RNF145: variants seen among roughly 807,000 people sequenced by gnomAD.
The protein encoded by RNF145 is ring finger protein 145.
A neutral mutation model predicts 57.3 loss-of-function variants in RNF145; 12 were observed. The ratio of observed to expected loss-of-function variants is 0.21; its 90% CI spans 0.13 to 0.34. The LOEUF is 0.34. Among genes scored for constraint, RNF145 ranks in the 10% least tolerant of loss-of-function variants. RNF145 has a pLI of 1.00. For missense variants in RNF145, 429 were observed against 799.0 expected (o/e 0.54, Z 5.58); for synonymous variants, 262 against 288.3 (o/e 0.91, Z 0.92).
intron 1 of RNF145, among the ~76,000 whole-genome samples, chr5:159,205,750 C>T (rs984220079): frequency 3.3e-5 from 5 of 152,148 alleles, no homozygotes; most frequent in Non-Finnish European, 7.4e-5. Flanking sequence ...AATCATTACT[C>T]TGTTTTTATA....
chr5:159,159,173 T>C (rs1784134916), intron 10 of RNF145, 138 bp from the exon 11 acceptor site: 11 of 725,048 alleles, frequency 1.5e-5, no homozygotes, highest in African/African-American at 1.8e-5. Flanking sequence ...AAACTTACTT[T>C]ATATATCAGT....
intron 8 of RNF145, among the ~76,000 whole-genome samples, chr5:159,163,969 T>A (rs1423900599): frequency 6.6e-6 from 1 of 152,296 alleles, no homozygotes; most frequent in Admixed American, 6.5e-5. Context: ...TACAAAAAAA[T>A]TTAAGCTGTT....
intron 10 of RNF145, among the ~76,000 whole-genome samples, chr5:159,160,014 C>G (rs1307291100): frequency 6.6e-6 from 1 of 152,120 alleles, no homozygotes; most frequent in Non-Finnish European, 1.5e-5. Flanking sequence ...GATGTGATAT[C>G]AACAGGTAGT....
Position 159,182,029 on chromosome 5 carries a change from C to A in RNF145, c.316G>T (p.Glu106Ter). The A allele has an allele frequency of 6.2e-7, 1 of 1,606,570 alleles. No homozygotes were observed. The highest frequency in any genetic ancestry group is 8.5e-7 in the Non-Finnish European group (1 of 1,173,572). The change falls in exon 4 of 11, where the codon GAG becomes TAG. Residue 106 changes from glutamate (E) to a stop codon, truncating the protein, a stop_gained. Coordinates refer to ENST00000424310, the MANE Select transcript of RNF145 (RefSeq NM_001199383.2). LOFTEE classifies it high-confidence loss of function. The stretch of plus-strand genomic sequence containing the variant: ...TACATTGGTCCCTCATAGGCAAACT[C>A]CAGTTCACTCCGAACATAGTCCCTA... Reference protein sequence around the residue: ...ISRDYVRSELEFAYEGPMYLE... With the variant: ...ISRDYVRSEL
At chr5:159,159,080 A>C in intron 10 of RNF145, 45 bp from the exon 11 acceptor site, 2 of 1,549,690 alleles carry the variant, frequency 1.3e-6, no homozygotes. Context: ...TCTGTTTTCT[A>C]GTATCTTTGG....
chr5:159,184,765 CT>C (rs1785005563), intron 3 of RNF145, among the ~76,000 whole-genome samples: 1 of 152,014 alleles, frequency 6.6e-6, no homozygotes, highest in South Asian at 2.1e-4. Context: ...ATTTCCTTTT[CT>C]TTTATCCAAC....
intron 1 of RNF145, among the ~76,000 whole-genome samples, chr5:159,207,036 G>T (rs1218154503): frequency 1.3e-5 from 2 of 151,718 alleles, no homozygotes; most frequent in African/African-American, 4.8e-5. Context: ...AGACCTCAAT[G>T]AGTTCATTAA....
intron 3 of RNF145, among the ~76,000 whole-genome samples, chr5:159,191,366 T>A (rs770715453): frequency 6.6e-6 from 1 of 152,232 alleles, no homozygotes; most frequent in Non-Finnish European, 1.5e-5. Context: ...AAGTCTGGGA[T>A]TGCCCTTCCT....
rs1270242477 is a variant in RNF145 at position 159,157,710 on chromosome 5, G to A, written c.*960C>T. 6.5e-6 allele frequency: 1 copy of A among 152,722 alleles called. No individual in the cohort carries two copies. The highest frequency in any genetic ancestry group is 1.5e-5 in the Non-Finnish European group (1 of 68,030). 9.5% of individuals were successfully genotyped at this position (152,722 alleles called of 1,614,324 possible). A position where few individuals can be genotyped will look rare whatever the true frequency, so the allele number is the denominator to read the frequency against. The stretch of plus-strand genomic sequence containing the variant: ...AAAGTCTATTAACAGCTTTAAAAGT[G>A]GCATTTGCAGAGTGTGATCATACAG... On this transcript the variant is annotated 3_prime_UTR_variant, in exon 11 of 11. Coordinates refer to ENST00000424310, the MANE Select transcript of RNF145 (RefSeq NM_001199383.2).
chr5:159,162,964 T>A lies in RNF145; in HGVS notation c.1237A>T (p.Ile413Phe). The part of the protein sequence containing the change: ...FFHMDFWLLI[I>F]ISSSILTSLQ... Reference sequence around the variant, plus strand: ...GAGGTAAGAATGCTGCTGGAAATAATGATAAGAAGCCAAAAATCCATGTGG... The same window carrying A: ...GAGGTAAGAATGCTGCTGGAAATAAAGATAAGAAGCCAAAAATCCATGTGG... Residue 413 changes from isoleucine to phenylalanine, a missense_variant, in exon 9 of 11, where the codon ATT becomes TTT. Ile to Phe is a conservative substitution (Grantham distance 21, BLOSUM62 0). This residue lies in a region of RNF145 where 216 missense variants were observed against 457.6 expected (regional missense o/e 0.47). Coordinates refer to ENST00000424310, the MANE Select transcript of RNF145 (RefSeq NM_001199383.2). The A allele has an allele frequency of 6.2e-7, 1 of 1,612,618 alleles. No individual in the cohort carries two copies. Among genetic ancestry groups the A allele is most frequent in the Non-Finnish European group, 8.5e-7 (1 of 1,179,600 alleles).
intron 2 of RNF145, among the ~76,000 whole-genome samples, chr5:159,200,859 G>C (rs1284265014): frequency 6.6e-6 from 1 of 152,186 alleles, no homozygotes; most frequent in Non-Finnish European, 1.5e-5. Flanking sequence ...TTAAGTATGT[G>C]TATGTTCAAT....
chr5:159,200,494 A>T (rs1322639103), intron 2 of RNF145, among the ~76,000 whole-genome samples: 1 of 152,220 alleles, frequency 6.6e-6, no homozygotes, highest in East Asian at 1.9e-4. Flanking sequence ...TAGAAAAAAT[A>T]AAATTATACC....
At chr5:159,161,770 A>G in intron 9 of RNF145, 148 bp from the exon 10 acceptor site, 1 of 544,628 alleles carries the variant, frequency 1.8e-6, no homozygotes, top group South Asian at 3.0e-5. Context: ...AAAAAGTTTT[A>G]ATAAATAAAA....
intron 3 of RNF145, among the ~76,000 whole-genome samples, chr5:159,186,262 G>A (rs929613680): frequency 6.6e-6 from 1 of 152,030 alleles, no homozygotes; most frequent in South Asian, 2.1e-4. Flanking sequence ...AAGGGCCTCA[G>A]AGCTTGCAAT....
At chr5:159,162,526 C>T (rs1160092894) in intron 9 of RNF145, among the ~76,000 whole-genome samples, 2 of 151,028 alleles carry the variant, frequency 1.3e-5, no homozygotes, top group African/African-American at 4.9e-5. Flanking sequence ...GCTCCGCTTC[C>T]CGGGTTTACG....
intron 9 of RNF145, among the ~76,000 whole-genome samples, chr5:159,162,425 CTT>C (rs201178143): frequency 3.7e-5 from 5 of 134,572 alleles, no homozygotes; most frequent in Non-Finnish European, 3.2e-5. Context: ...GTAATATTTT[CTT>C]TTTTTTTTTT....
Position 159,174,508 on chromosome 5 carries a change from A to C in RNF145, c.622-350T>G, listed in dbSNP as rs574062624. Among the ~76,000 whole-genome samples, 8 of 152,274 alleles carry C rather than the reference A, an allele frequency of 5.3e-5. No homozygotes were observed. In the South Asian group the frequency reaches 1.7e-3, roughly 32 times the overall value. Reference sequence around the variant, plus strand: ...CTCATGTCTAATCAAAATAATCAGGACTAGCATGAATTGATACAACACTGC... The same window carrying C: ...CTCATGTCTAATCAAAATAATCAGGCCTAGCATGAATTGATACAACACTGC... On this transcript the variant is annotated intron_variant, in intron 5 of 10. Transcript: ENST00000424310.
At chr5:159,182,080 A>C in intron 3 of RNF145, 29 bp from the exon 4 acceptor site, 40 of 1,263,356 alleles carry the variant, frequency 3.2e-5, no homozygotes, top group Non-Finnish European at 4.4e-5. Context: ...TAGAATGTAT[A>C]TATTAGATAC....
chr5:159,190,473 G>A (rs1213355762), intron 3 of RNF145, among the ~76,000 whole-genome samples: 2 of 151,852 alleles, frequency 1.3e-5, no homozygotes, highest in African/African-American at 2.4e-5. Flanking sequence ...ATATCTTGAG[G>A]GCAGGAGTTC....
Sources: gnomAD v4.1 joint callset for allele counts (sites outside exome capture counted in the v4.1 genomes callset) on GRCh38, gnomAD v4.1.1 for gene constraint, gnomAD v4.1.1 regional missense constraint, MANE v1.5 for transcripts, NCBI Gene and HGNC (gene_info 2026-07-23, HGNC 2026-07-21) for gene names.